Variants in ITGBL1 observed in about 807,000 individuals in gnomAD.
ITGBL1 encodes the protein integrin subunit beta like 1.
A neutral mutation model predicts 68.5 loss-of-function variants in ITGBL1; 51 were observed. The ratio of observed to expected loss-of-function variants is 0.74; its 90% CI spans 0.59 to 0.94. ITGBL1 has a LOEUF of 0.94. Ranked by LOEUF, ITGBL1 falls within the 40% of genes least tolerant of loss-of-function variation. ITGBL1 has a pLI of 0.00. For missense variants in ITGBL1, 649 were observed against 647.4 expected, an observed-to-expected ratio of 1.00 and a Z score of -0.03; for synonymous variants, 209 against 227.3, an observed-to-expected ratio of 0.92 and a Z score of 0.72.
At chr13:101,604,212 A>G (rs150152611) in intron 7 of ITGBL1, among the ~76,000 whole-genome samples, 26 of 152,044 alleles carry the variant, frequency 1.7e-4, no homozygotes, top group African/African-American at 6.0e-4. Flanking sequence ...TTTAATATGT[A>G]GAACAAGTAA....
chr13:101,496,034 A>G (rs948833872), intron 2 of ITGBL1, among the ~76,000 whole-genome samples: 1 of 152,122 alleles, frequency 6.6e-6, no homozygotes, highest in African/African-American at 2.4e-5. Context: ...AAATTCCACA[A>G]TTTATCTACA....
chr13:101,502,307 A>G (rs2048955903), intron 2 of ITGBL1, among the ~76,000 whole-genome samples: 2 of 152,162 alleles, frequency 1.3e-5, no homozygotes, highest in African/African-American at 4.8e-5. Context: ...TACATTTACT[A>G]CTCAGGCTAA....
chr13:101,613,547 G>A (rs1159104520), intron 7 of ITGBL1, among the ~76,000 whole-genome samples: 1 of 152,196 alleles, frequency 6.6e-6, no homozygotes, highest in African/African-American at 2.4e-5. Context: ...CCCTCTCCCA[G>A]GAAGTCATAT....
chr13:101,641,187 C>A (rs999364507), intron 7 of ITGBL1, among the ~76,000 whole-genome samples: 2 of 152,036 alleles, frequency 1.3e-5, no homozygotes, highest in African/African-American at 4.8e-5. Context: ...TCATGGCTGA[C>A]ATAGATTAGC....
chr13:101,463,119 T>A (rs1183765123), intron 2 of ITGBL1, among the ~76,000 whole-genome samples: 1 of 152,148 alleles, frequency 6.6e-6, no homozygotes, highest in Non-Finnish European at 1.5e-5. Flanking sequence ...GATTAATAAA[T>A]CACTGGAGTT....
chr13:101,535,351 C>T (rs550657245), intron 2 of ITGBL1, among the ~76,000 whole-genome samples: 1 of 152,230 alleles, frequency 6.6e-6, no homozygotes, highest in Admixed American at 6.6e-5. Context: ...TCTTTCAGAG[C>T]TCCAGGAGGC....
chr13:101,632,584 A>G (rs2032023419), intron 7 of ITGBL1, among the ~76,000 whole-genome samples: 1 of 152,240 alleles, frequency 6.6e-6, no homozygotes, highest in South Asian at 2.1e-4. Context: ...ACCACCACTT[A>G]CCAATTATTC....
intron 2 of ITGBL1, among the ~76,000 whole-genome samples, chr13:101,469,408 G>T (rs1222232096): frequency 1.3e-5 from 2 of 152,182 alleles, no homozygotes; most frequent in South Asian, 2.1e-4. Flanking sequence ...GTTGCCAGGC[G>T]CTGTGGCTCA....
At chr13:101,513,482 A>G (rs2049147409) in intron 2 of ITGBL1, among the ~76,000 whole-genome samples, 1 of 152,136 alleles carries the variant, frequency 6.6e-6, no homozygotes. Flanking sequence ...CATGGTGCCA[A>G]AATTTTGTTG....
intron 2 of ITGBL1, among the ~76,000 whole-genome samples, chr13:101,491,777 C>T (rs1437968318): frequency 6.6e-6 from 1 of 152,100 alleles, no homozygotes; most frequent in Non-Finnish European, 1.5e-5. Flanking sequence ...CTCCCCTTAG[C>T]CCTCCACCCC....
At chr13:101,588,270 A>G (rs2050591874) in intron 6 of ITGBL1, among the ~76,000 whole-genome samples, 1 of 148,564 alleles carries the variant, frequency 6.7e-6, no homozygotes, top group Non-Finnish European at 1.5e-5. Context: ...GGTAGATTAT[A>G]CCAACACCAA....
chr13:101,510,440 T>C (rs1011454658), intron 2 of ITGBL1, among the ~76,000 whole-genome samples: 1 of 152,154 alleles, frequency 6.6e-6, no homozygotes, highest in African/African-American at 2.4e-5. Flanking sequence ...TTCCGTGTTT[T>C]TGCTATTGTG....
chr13:101,497,644 G>A (rs772397362), intron 2 of ITGBL1, among the ~76,000 whole-genome samples: 2 of 152,178 alleles, frequency 1.3e-5, no homozygotes, highest in Non-Finnish European at 2.9e-5. Context: ...GCCACCAGGA[G>A]TTCCTGAGCA....
At chr13:101,508,356 T>A (rs538038892) in intron 2 of ITGBL1, among the ~76,000 whole-genome samples, 1 of 152,316 alleles carries the variant, frequency 6.6e-6, no homozygotes, top group African/African-American at 2.4e-5. Flanking sequence ...ATGAGCATCT[T>A]TACATAAAAA....
chr13:101,528,385 C>T (rs1206292127), intron 2 of ITGBL1, among the ~76,000 whole-genome samples: 1 of 151,470 alleles, frequency 6.6e-6, no homozygotes, highest in African/African-American at 2.4e-5. Flanking sequence ...TGTTTGTGTA[C>T]ATTGTTGTTT....
intron 2 of ITGBL1, chr13:101,489,857 T>C (rs1189812616): frequency 2.9e-6 from 2 of 700,284 alleles, no homozygotes; most frequent in African/African-American, 1.8e-5. Context: ...GTCTGACTCA[T>C]TGGTGAAAAA....
intron 7 of ITGBL1, among the ~76,000 whole-genome samples, chr13:101,634,533 A>G (rs573096797): frequency 3.7e-4 from 57 of 152,310 alleles, no homozygotes; most frequent in Admixed American, 3.2e-3. Context: ...GAAAGATTTC[A>G]ATAAAGATGT....
At chr13:101,594,414 T>A (rs1475761914) in intron 6 of ITGBL1, among the ~76,000 whole-genome samples, 1 of 152,196 alleles carries the variant, frequency 6.6e-6, no homozygotes, top group Non-Finnish European at 1.5e-5. Context: ...TATCTCATAC[T>A]GTATATAAAA....
chr13:101,474,780 T>C (rs1218547626), intron 2 of ITGBL1, among the ~76,000 whole-genome samples: 1 of 152,190 alleles, frequency 6.6e-6, no homozygotes, highest in East Asian at 1.9e-4. Flanking sequence ...TGAGTCTGCC[T>C]GGTAATTCAA....
Sources: allele counts gnomAD v4.1 joint callset (sites outside exome capture counted in the v4.1 genomes callset), GRCh38; gene constraint gnomAD v4.1.1; transcripts MANE v1.5; gene names NCBI Gene and HGNC (gene_info 2026-07-23, HGNC 2026-07-21).